The following PRPF6 variants were observed in gnomAD, a reference collection of about 807,000 sequenced individuals.
PRPF6 encodes pre-mRNA-processing factor 6.
PRPF6 carries 42 observed loss-of-function variants against 118.3 expected under a neutral mutation model. The observed-to-expected ratio is 0.35, with a 90% CI of 0.28 to 0.46. PRPF6 has a LOEUF of 0.46. Ranked by LOEUF, PRPF6 falls within the 20% of genes least tolerant of loss-of-function variation. The pLI, the probability that PRPF6 is intolerant of heterozygous loss-of-function variation, is 1.00. For missense variants in PRPF6, 662 were observed against 1,255.7 expected (o/e 0.53, Z 7.15); for synonymous variants, 481 against 485.1 (o/e 0.99, Z 0.11).
intron 14 of PRPF6, among the ~76,000 whole-genome samples, 165 bp downstream of exon 14, chr20:64,024,858 C>T (rs538327200): frequency 6.6e-6 from 1 of 152,202 alleles, no homozygotes; most frequent in African/African-American, 2.4e-5. Context: ...TGAAGGGGCC[C>T]GAGAGCAGGA....
intron 9 of PRPF6, among the ~76,000 whole-genome samples, chr20:64,003,361 T>C (rs994863097): frequency 3.3e-5 from 5 of 152,232 alleles, no homozygotes; most frequent in African/African-American, 1.2e-4. Context: ...AAATATCCCA[T>C]TGAGGCTTCT....
chr20:63,986,444 T>A (rs2059093700), intron 3 of PRPF6, among the ~76,000 whole-genome samples: 1 of 151,278 alleles, frequency 6.6e-6, no homozygotes, highest in South Asian at 2.1e-4. Context: ...AATTAATCAG[T>A]GTTATACATC....
Position 63,981,323 on chromosome 20 carries a change from C to A in PRPF6, c.71+7C>A, listed in dbSNP as rs765653532. 7 of 1,577,744 alleles carry A rather than the reference C, an allele frequency of 4.4e-6. 1 individual carries two copies. Among genetic ancestry groups the A allele is most frequent in the Middle Eastern group, 1.7e-4 (1 of 6,020 alleles). ...TGCCGGGGCTGGGCCGGGGGTGAGGCCTGGGGCGGCGCGCGAGGGGCGGGG... is the reference window on the plus strand; with the variant it reads ...TGCCGGGGCTGGGCCGGGGGTGAGGACTGGGGCGGCGCGCGAGGGGCGGGG... On this transcript the variant is annotated splice_region_variant and intron_variant, in intron 1 of 20. Coordinates refer to ENST00000266079, the MANE Select transcript of PRPF6 (RefSeq NM_012469.4).
intron 12 of PRPF6, among the ~76,000 whole-genome samples, chr20:64,021,210 A>G (rs2059260799): frequency 6.6e-6 from 1 of 152,050 alleles, no homozygotes; most frequent in African/African-American, 2.4e-5. Flanking sequence ...TTGTATGTGC[A>G]TATGGCTCGG....
At chr20:63,995,178 T>C in intron 5 of PRPF6, 86 bp downstream of exon 5, 1 of 1,598,904 alleles carries the variant, frequency 6.3e-7, no homozygotes, top group Non-Finnish European at 8.6e-7. Context: ...GATTCAATGC[T>C]TCTGCAGGTC....
chr20:63,982,700 G>A (rs2059076528), intron 1 of PRPF6, among the ~76,000 whole-genome samples: 1 of 152,146 alleles, frequency 6.6e-6, no homozygotes, highest in African/African-American at 2.4e-5. Context: ...TGGCATCTGG[G>A]ACAGCTGTTA....
chr20:63,993,266 A>G (rs867593494), intron 3 of PRPF6, 141 bp from the exon 4 acceptor site: 14,920 of 299,710 alleles, frequency 0.05, 307 homozygotes, highest in Middle Eastern at 0.11. Flanking sequence ...GTGTGTGTAT[A>G]TGTATATATA....
intron 19 of PRPF6, among the ~76,000 whole-genome samples, chr20:64,030,429 C>A (rs546103808): frequency 3.3e-5 from 5 of 152,306 alleles, no homozygotes; most frequent in Admixed American, 3.3e-4. Flanking sequence ...TCTCTCCATC[C>A]CTTCTCCCCA....
intron 13 of PRPF6, among the ~76,000 whole-genome samples, chr20:64,023,125 C>T (rs2059273852): frequency 6.6e-6 from 1 of 152,228 alleles, no homozygotes; most frequent in African/African-American, 2.4e-5. Flanking sequence ...GGGGGCCCGT[C>T]CTGCTAAGTG....
intron 9 of PRPF6, among the ~76,000 whole-genome samples, chr20:64,002,014 G>GTTTTTTT (rs386394238): frequency 1.4e-3 from 114 of 83,252 alleles, no homozygotes; most frequent in Admixed American, 1.6e-3. Context: ...TTTTTTTCTG[G>GTTTTTTT]TTTTTTTTTT....
At position 64,026,360 on chromosome 20, in the gene PRPF6, G is replaced by A. The variant is rs1374053686; in HGVS notation, c.2028+302G>A. On this transcript the variant is annotated intron_variant, in intron 15 of 20. Transcript: ENST00000266079. The surrounding 1 kb of genome is among the most constrained non-coding windows in gnomAD (Gnocchi z 4.4). ...CGTCTCTACTAAAAATACAAAATTA[G>A]CCGGGCGTGGTGGTGCGTGCCTGTA... Among the ~76,000 whole-genome samples the A allele has an allele frequency of 7.0e-6, 1 of 143,006 alleles. No individual in the cohort carries two copies. The highest frequency in any genetic ancestry group is 7.4e-5 in the Admixed American group (1 of 13,434). 93.8% of individuals were successfully genotyped at this position (143,006 alleles called of 152,430 possible). A position where few individuals can be genotyped will look rare whatever the true frequency, so the allele number is the denominator to read the frequency against.
chr20:63,981,643 T>TCCCCCCCCCC (rs11295538), intron 1 of PRPF6, among the ~76,000 whole-genome samples: 38 of 124,374 alleles, frequency 3.1e-4, no homozygotes, highest in Admixed American at 6.7e-4. Context: ...GGGCTGACAC[T>TCCCCCCCCCC]CCCCCCCCCC....
chr20:64,029,306 C>A lies in PRPF6; in HGVS notation c.2432-71C>A, dbSNP rs1435392138. 14 of 1,398,316 alleles carry A rather than the reference C, an allele frequency of 1.0e-5. No individual in the cohort carries two copies. The highest frequency in any genetic ancestry group is 1.4e-5 in the Non-Finnish European group (14 of 986,416). The allele number at this position is 1,398,316 out of a possible 1,614,324, so 86.6% of individuals were successfully genotyped here. Reference sequence around the variant, plus strand: ...GTCTGAGGACGTCCCGGGTTAGAATCTGTAGGCTGGGCACCTTTCCGGAAC... The same window carrying A: ...GTCTGAGGACGTCCCGGGTTAGAATATGTAGGCTGGGCACCTTTCCGGAAC... On this transcript the variant is annotated intron_variant, in intron 18 of 20. Coordinates refer to ENST00000266079, the MANE Select transcript of PRPF6 (RefSeq NM_012469.4). This position sits in a 1 kb window ranked among gnomAD's most constrained non-coding sequence, Gnocchi z 4.8.
chr20:63,999,180 T>C, intron 7 of PRPF6, 41 bp downstream of exon 7: 2 of 1,543,946 alleles, frequency 1.3e-6, no homozygotes, highest in African/African-American at 1.4e-5. Context: ...ATGGAGACTC[T>C]AGTTGCCTAG....
Position 64,011,320 on chromosome 20 carries a change from A to G in PRPF6, c.1341A>G (p.Glu447=), listed in dbSNP as rs769447782. The change falls in exon 11 of 21, where the codon GAA becomes GAG. Residue 447 remains glutamate (E), a synonymous_variant. Coordinates refer to ENST00000266079, the MANE Select transcript of PRPF6 (RefSeq NM_012469.4). The surrounding 1 kb of genome is among the most constrained non-coding windows in gnomAD (Gnocchi z 6.7). The stretch of plus-strand genomic sequence containing the variant: ...CTCTGGCAAGGCTGGAGACCTATGA[A>G]AATGCCCGCAAGGTCTTGAACAAGG... The part of the protein sequence containing the change: ...WLALARLETY[E]NARKVLNKAR... 6.2e-7 allele frequency: 1 copy of G among 1,614,182 alleles called. No individual in the cohort carries two copies. The highest frequency in any genetic ancestry group is 2.2e-5 in the East Asian group (1 of 44,886).
intron 11 of PRPF6, among the ~76,000 whole-genome samples, chr20:64,013,409 G>GTCTT (rs1216131261): frequency 6.6e-6 from 1 of 152,022 alleles, no homozygotes; most frequent in Non-Finnish European, 1.5e-5. Flanking sequence ...ATGACAGTTT[G>GTCTT]TCTTTCTTTC....
intron 12 of PRPF6, among the ~76,000 whole-genome samples, chr20:64,019,279 A>G (rs940581721): frequency 6.6e-6 from 1 of 151,256 alleles, no homozygotes; most frequent in South Asian, 2.1e-4. Context: ...GCTAATTTTT[A>G]TATTTTTTAT....
chr20:64,025,986 G>A lies in PRPF6; in HGVS notation c.1956G>A (p.Glu652=). The change falls in exon 15 of 21, where the codon GAG becomes GAA. Residue 652 remains glutamate (E), a synonymous_variant. Transcript: ENST00000266079. ...EEIWLAAVKL[E]SENDEYERAR... ...TCTGGCTGGCAGCCGTGAAGCTGGA[G>A]TCCGAGAATGATGAGTACGAGCGGG... The A allele has an allele frequency of 6.2e-7, 1 of 1,613,378 alleles. No individual in the cohort carries two copies. Among genetic ancestry groups the A allele is most frequent in the Non-Finnish European group, 8.5e-7 (1 of 1,180,036 alleles).
intron 6 of PRPF6, among the ~76,000 whole-genome samples, chr20:63,998,591 C>T (rs912012819): frequency 1.0e-4 from 15 of 149,976 alleles, no homozygotes; most frequent in African/African-American, 3.7e-4. Context: ...CCTGTAATCC[C>T]AGCACTTTGG....
Sources: gnomAD v4.1 joint callset for allele counts (sites outside exome capture counted in the v4.1 genomes callset) on GRCh38, gnomAD v4.1.1 for gene constraint, Gnocchi (gnomAD v3.1) non-coding constraint, MANE v1.5 for transcripts, NCBI Gene and HGNC (gene_info 2026-07-23, HGNC 2026-07-21) for gene names.